Variants in JAKMIP2 observed in about 807,000 individuals in gnomAD.
JAKMIP2 encodes the protein janus kinase and microtubule interacting protein 2.
In JAKMIP2, 25 loss-of-function variants were observed where a neutral mutation model predicts 115.0. The ratio of observed to expected loss-of-function variants is 0.22; its 90% CI spans 0.16 to 0.30. The LOEUF (loss-of-function observed/expected upper bound fraction) is 0.30, where lower values mean the gene tolerates loss of function less well. JAKMIP2 is among the 10% of genes least tolerant of loss of function. The pLI, the probability that JAKMIP2 is intolerant of heterozygous loss-of-function variation, is 1.00. For missense variants in JAKMIP2, 642 were observed against 957.6 expected (o/e 0.67, Z 4.35); for synonymous variants, 334 against 343.6 (o/e 0.97, Z 0.31).
At chr5:147,618,199 T>C (rs1756678549) in intron 18 of JAKMIP2, 85 bp from the exon 19 acceptor site, 1 of 965,306 alleles carries the variant, frequency 1.0e-6, no homozygotes, top group South Asian at 1.4e-5. Flanking sequence ...TGTATATGTA[T>C]ATGGCTGCCA....
chr5:147,620,485 T>A (rs1380525486), intron 18 of JAKMIP2, among the ~76,000 whole-genome samples, 181 bp downstream of exon 18: 5 of 152,190 alleles, frequency 3.3e-5, no homozygotes, highest in African/African-American at 9.7e-5. Context: ...TATAAGAATC[T>A]TAGAATAAGT....
chr5:147,769,894 T>A (rs1170057633), intron 1 of JAKMIP2, among the ~76,000 whole-genome samples: 2 of 152,090 alleles, frequency 1.3e-5, no homozygotes, highest in Non-Finnish European at 2.9e-5. Flanking sequence ...CATTTTGATA[T>A]CAACATCTTT....
intron 2 of JAKMIP2, chr5:147,661,719 G>A (rs1036289495): frequency 1.1e-5 from 4 of 376,070 alleles, no homozygotes; most frequent in African/African-American, 8.3e-5. Context: ...CAGACAAGCA[G>A]CCTCGGTATC....
At chr5:147,641,137 A>T (rs1037084751) in intron 8 of JAKMIP2, among the ~76,000 whole-genome samples, 2 of 152,222 alleles carry the variant, frequency 1.3e-5, no homozygotes, top group Non-Finnish European at 2.9e-5. Flanking sequence ...TTAAACTATG[A>T]CCAAAGGATT....
intron 1 of JAKMIP2, among the ~76,000 whole-genome samples, chr5:147,675,642 C>G (rs927799869): frequency 1.3e-5 from 2 of 151,990 alleles, no homozygotes; most frequent in Admixed American, 6.6e-5. Context: ...AACTCTATAC[C>G]TGTTAGCCAT....
intron 1 of JAKMIP2, among the ~76,000 whole-genome samples, chr5:147,683,035 C>T (rs554517099): frequency 1.3e-5 from 2 of 152,284 alleles, no homozygotes; most frequent in African/African-American, 4.8e-5. Flanking sequence ...AAGTGTTTTA[C>T]AGCTGTTGCA....
chr5:147,749,368 T>C (rs1754468480), intron 1 of JAKMIP2, among the ~76,000 whole-genome samples: 1 of 152,152 alleles, frequency 6.6e-6, no homozygotes, highest in African/African-American at 2.4e-5. Context: ...TAATCCTTAT[T>C]TTATAGAGGA....
At chr5:147,740,718 G>A (rs770389807) in intron 1 of JAKMIP2, among the ~76,000 whole-genome samples, 2 of 152,170 alleles carry the variant, frequency 1.3e-5, no homozygotes. Context: ...CCAGTGTCAG[G>A]CTCTGTCTTC....
chr5:147,595,501 C>T (rs1196717706), intron 21 of JAKMIP2: 2 of 455,754 alleles, frequency 4.4e-6, no homozygotes, highest in South Asian at 3.1e-5. Flanking sequence ...GACACCAAAC[C>T]TGCTGGTGCC....
rs1754847190 is a variant in JAKMIP2 at position 147,585,879 on chromosome 5, T to C, written c.*5828A>G. ...AAGGCTAAAACATGCATGAACCCTG[T>C]TGAGATGGAATTTTTAGCTAATAAA... is the stretch of plus-strand genomic sequence containing the variant. On this transcript the variant is annotated 3_prime_UTR_variant, in exon 22 of 22. Coordinates refer to ENST00000616793, the MANE Select transcript of JAKMIP2 (RefSeq NM_001270941.2). The C allele has an allele frequency of 2.6e-5, 4 of 151,990 alleles. No homozygotes were observed. Among genetic ancestry groups the C allele is most frequent in the Admixed American group, 1.3e-4 (2 of 15,246 alleles). The allele number at this position is 151,990 out of a possible 1,614,324, so 9.4% of individuals were successfully genotyped here.
At chr5:147,725,311 AAG>A (rs1486042844) in intron 1 of JAKMIP2, among the ~76,000 whole-genome samples, 61 of 152,262 alleles carry the variant, frequency 4.0e-4, no homozygotes, top group African/African-American at 1.4e-3. Context: ...AAGTAATTTT[AAG>A]TATAAACAGG....
chr5:147,742,354 T>C (rs1754182367), intron 1 of JAKMIP2, among the ~76,000 whole-genome samples: 4 of 151,828 alleles, frequency 2.6e-5, no homozygotes, highest in Admixed American at 1.3e-4. Context: ...TTCTGCTCTG[T>C]TTATAAGTCA....
intron 1 of JAKMIP2, among the ~76,000 whole-genome samples, chr5:147,742,126 G>T (rs1754159970): frequency 1.7e-5 from 2 of 114,658 alleles, no homozygotes; most frequent in East Asian, 6.7e-4. Context: ...TTCCGCATTA[G>T]CCCTGTGGAT....
chr5:147,741,600 T>C (rs1754143106), intron 1 of JAKMIP2, among the ~76,000 whole-genome samples: 1 of 152,150 alleles, frequency 6.6e-6, no homozygotes, highest in African/African-American at 2.4e-5. Flanking sequence ...AATTTGTTAC[T>C]CAATGAAAGA....
chr5:147,622,680 C>T (rs1191011603), intron 17 of JAKMIP2, among the ~76,000 whole-genome samples: 1 of 152,170 alleles, frequency 6.6e-6, no homozygotes, highest in South Asian at 2.1e-4. Flanking sequence ...TTACTTCTAC[C>T]TTTTGGCTAT....
At position 147,753,025 on chromosome 5, in the gene JAKMIP2, T is replaced by A. The variant is rs10072405; in HGVS notation, c.-149+29431A>T. On this transcript the variant is annotated intron_variant, in intron 1 of 21. Transcript: ENST00000616793. ...AATTGCAAAGCAACCCAATGACTTT[T>A]ATCTCCTCCTCATTCTATAACACAA... is the stretch of plus-strand genomic sequence containing the variant. Among the ~76,000 whole-genome samples, 1,228 of 152,212 alleles carry A rather than the reference T, an allele frequency of 8.1e-3. 10 individuals are homozygous for A. Among genetic ancestry groups the A allele is most frequent in the African/African-American group, 0.027 (1,133 of 41,532 alleles).
intron 1 of JAKMIP2, among the ~76,000 whole-genome samples, chr5:147,727,057 T>C (rs760043502): frequency 1.3e-5 from 2 of 152,238 alleles, no homozygotes; most frequent in Non-Finnish European, 2.9e-5. Context: ...ATGGGTCCTT[T>C]CTGGCTTAAT....
At chr5:147,694,352 C>T (rs552914475) in intron 1 of JAKMIP2, among the ~76,000 whole-genome samples, 1 of 152,064 alleles carries the variant, frequency 6.6e-6, no homozygotes, top group Non-Finnish European at 1.5e-5. Flanking sequence ...ATTGTGGAGT[C>T]ACAGTCATAT....
In JAKMIP2 at chr5:147,764,966, G is replaced by A. The variant is rs1561582690; in HGVS notation, c.-149+17490C>T. Among the ~76,000 whole-genome samples, 78 of 40,918 alleles carry A rather than the reference G, an allele frequency of 1.9e-3. 1 individual carries two copies. In the East Asian group the frequency reaches 0.027, roughly 14 times the overall value. 26.8% of individuals were successfully genotyped at this position (40,918 alleles called of 152,430 possible). Reference sequence around the variant, plus strand: ...AGAGAGGGAGAGAGAGAGAGAGAGAGGGGGAGAGAGAGAGAGAGAGAGAGG... The same window carrying A: ...AGAGAGGGAGAGAGAGAGAGAGAGAAGGGGAGAGAGAGAGAGAGAGAGAGG... On this transcript the variant is annotated intron_variant, in intron 1 of 21. Coordinates refer to ENST00000616793, the MANE Select transcript of JAKMIP2 (RefSeq NM_001270941.2).
Sources: allele counts gnomAD v4.1 joint callset (sites outside exome capture counted in the v4.1 genomes callset), GRCh38; gene constraint gnomAD v4.1.1; transcripts MANE v1.5; gene names NCBI Gene and HGNC (gene_info 2026-07-23, HGNC 2026-07-21).